ABCD2: variants seen among roughly 807,000 people sequenced by gnomAD.
ABCD2 encodes ATP binding cassette subfamily D member 2, also known as ATP-binding cassette sub-family D member 2.
A neutral mutation model predicts 70.9 loss-of-function variants in ABCD2; 36 were observed. The ratio of observed to expected loss-of-function variants is 0.51; its 90% confidence interval spans 0.39 to 0.67. ABCD2 has a LOEUF of 0.67. Ranked by LOEUF, ABCD2 falls within the 30% of genes least tolerant of loss-of-function variation. The pLI, the probability that ABCD2 is intolerant of heterozygous loss-of-function variation, is 0.00. For missense variants in ABCD2, 729 were observed against 890.2 expected (o/e 0.82, Z 2.30); for synonymous variants, 304 against 306.9 (o/e 0.99, Z 0.10).
chr12:39,554,680 A>G (rs1470866787), intron 9 of ABCD2, among the ~76,000 whole-genome samples: 1 of 152,230 alleles, frequency 6.6e-6, no homozygotes, highest in East Asian at 1.9e-4. Flanking sequence ...ACATTTTTAT[A>G]TGATTTAATC....
chr12:39,568,352 T>C (rs978296690), intron 9 of ABCD2, among the ~76,000 whole-genome samples: 1 of 152,204 alleles, frequency 6.6e-6, no homozygotes, highest in Non-Finnish European at 1.5e-5. Flanking sequence ...TCTAAACTTC[T>C]CTTCTCACTT....
At chr12:39,546,464 G>A (rs766363290), downstream of ABCD2, among the ~76,000 whole-genome samples, 7 of 152,052 alleles carry the variant, frequency 4.6e-5, no homozygotes, top group Non-Finnish European at 7.4e-5. Flanking sequence ...TCTAAGAAGG[G>A]TGGAGGTTAT....
the ABCD2 span, among the ~76,000 whole-genome samples, chr12:39,531,875 G>A: frequency 6.6e-6 from 1 of 152,226 alleles, no homozygotes; most frequent in African/African-American, 2.4e-5. Flanking sequence ...AGGGGCGCCT[G>A]GATTGAAAAA....
At chr12:39,609,779 A>G (rs1007660331) in intron 2 of ABCD2, among the ~76,000 whole-genome samples, 2 of 152,220 alleles carry the variant, frequency 1.3e-5, no homozygotes, top group African/African-American at 4.8e-5. Context: ...TTTTTTGCAC[A>G]TAGACAGCTC....
chr12:39,606,185 A>T (rs1941966893), intron 3 of ABCD2, among the ~76,000 whole-genome samples: 1 of 152,166 alleles, frequency 6.6e-6, no homozygotes, highest in Admixed American at 6.5e-5. Context: ...GTGGATCAGG[A>T]TGGAATGTGA....
At chr12:39,535,632 AC>A in the ABCD2 span, among the ~76,000 whole-genome samples, 2 of 152,184 alleles carry the variant, frequency 1.3e-5, no homozygotes, top group Non-Finnish European at 2.9e-5. Flanking sequence ...TTTTGCTTTA[AC>A]ATTCAACGAA....
intron 6 of ABCD2, among the ~76,000 whole-genome samples, chr12:39,590,757 T>C (rs1337908981): frequency 1.5e-5 from 2 of 137,654 alleles, no homozygotes; most frequent in Non-Finnish European, 3.1e-5. Context: ...CTGACAGTGA[T>C]TTTTTTTTTT....
rs929200258 is a variant in ABCD2 at position 39,585,948 on chromosome 12, A to G, written c.1792+204T>C. On this transcript the variant is annotated intron_variant, in intron 7 of 9. Transcript: ENST00000308666. ...AGCTGCACTGACATGGAGACTTAAT[A>G]AAAACTTAGTGTGTTGCATTAAACA... is the stretch of plus-strand genomic sequence containing the variant. Among the ~76,000 whole-genome samples the G allele has an allele frequency of 5.9e-5, 9 of 152,206 alleles. No individual in the cohort carries two copies. The East Asian group carries it at 1.5e-3, about 26-fold the overall frequency.
intron 6 of ABCD2, among the ~76,000 whole-genome samples, chr12:39,600,112 G>C (rs149973194): frequency 6.6e-6 from 1 of 151,988 alleles, no homozygotes; most frequent in Admixed American, 6.5e-5. Flanking sequence ...GTTACAAATC[G>C]CTAAATAATC....
At chr12:39,604,371 G>T (rs557814465) in intron 4 of ABCD2, among the ~76,000 whole-genome samples, 29 of 151,894 alleles carry the variant, frequency 1.9e-4, no homozygotes, top group Admixed American at 1.5e-3. Flanking sequence ...CTGCAAAAAA[G>T]GGAAATAAGA....
chr12:39,612,632 T>C (rs1463114496), intron 2 of ABCD2, among the ~76,000 whole-genome samples: 1 of 152,246 alleles, frequency 6.6e-6, no homozygotes. Flanking sequence ...TTGTAGTCAC[T>C]TTTATGCATA....
Position 39,554,124 on chromosome 12 carries a change from G to A in ABCD2, c.2011C>T (p.His671Tyr). The A allele has an allele frequency of 6.2e-7, 1 of 1,606,984 alleles. No homozygotes were observed. Among genetic ancestry groups the A allele is most frequent in the Non-Finnish European group, 8.5e-7 (1 of 1,176,606 alleles). The change falls in exon 10 of 10, where the codon CAC (histidine) becomes TAC (tyrosine). Residue 671 changes from histidine (H) to tyrosine (Y), a missense_variant. By Grantham distance (83) the His-to-Tyr change is moderately conservative. Coordinates refer to ENST00000308666, the MANE Select transcript of ABCD2 (RefSeq NM_005164.4). Reference sequence around the variant, plus strand: ...CCATCAAACTGTAATAAATGTGTGTGGTATTTCCTGCATAATTAAAATGAA... The same window carrying A: ...CCATCAAACTGTAATAAATGTGTGTAGTATTTCCTGCATAATTAAAATGAA... ...ITHRPSLWKY[H>Y]THLLQFDGEG...
intron 5 of ABCD2, among the ~76,000 whole-genome samples, chr12:39,603,502 TAA>T (rs1941928691): frequency 6.6e-6 from 1 of 152,124 alleles, no homozygotes; most frequent in African/African-American, 2.4e-5. Flanking sequence ...TTTAAAAATT[TAA>T]GTCACATAAT....
intron 9 of ABCD2, among the ~76,000 whole-genome samples, chr12:39,571,130 A>AATTAGTATAGCC (rs1394104036): frequency 1.3e-5 from 2 of 152,300 alleles, no homozygotes; most frequent in East Asian, 3.9e-4. Context: ...TGGGAATATA[A>AATTAGTATAGCC]ATTAGTATAG....
the ABCD2 span, among the ~76,000 whole-genome samples, chr12:39,533,633 C>T: frequency 6.6e-6 from 1 of 152,140 alleles, no homozygotes; most frequent in African/African-American, 2.4e-5. Flanking sequence ...AAATTTTCTT[C>T]TTTAACCCCT....
intron 8 of ABCD2, among the ~76,000 whole-genome samples, chr12:39,575,106 A>G (rs1321719148): frequency 6.6e-6 from 1 of 152,220 alleles, no homozygotes; most frequent in African/African-American, 2.4e-5. Context: ...TAAGTGAACA[A>G]GAGGAAGAAG....
chr12:39,603,381 T>G (rs562432004), intron 5 of ABCD2, among the ~76,000 whole-genome samples: 182 of 152,170 alleles, frequency 1.2e-3, no homozygotes, highest in African/African-American at 4.0e-3. Context: ...GTTTTTGTAA[T>G]TAATACATAA....
At chr12:39,594,991 A>G (rs990238356) in intron 6 of ABCD2, among the ~76,000 whole-genome samples, 5 of 152,058 alleles carry the variant, frequency 3.3e-5, no homozygotes, top group Admixed American at 2.6e-4. Flanking sequence ...TGGTGAACCC[A>G]GGAGGCAGAG....
At chr12:39,541,025 C>G in the ABCD2 span, among the ~76,000 whole-genome samples, 75 of 152,086 alleles carry the variant, frequency 4.9e-4, 1 homozygote, top group African/African-American at 1.7e-3. Flanking sequence ...TTTTCATAAA[C>G]AATTGAACAA....
Sources: gnomAD v4.1 joint callset for allele counts (sites outside exome capture counted in the v4.1 genomes callset) on GRCh38, gnomAD v4.1.1 for gene constraint, MANE v1.5 for transcripts, NCBI Gene and HGNC (gene_info 2026-07-23, HGNC 2026-07-21) for gene names.